ZNF138: variants seen among roughly 807,000 people sequenced by gnomAD.
ZNF138 encodes zinc finger protein 138, also known as zinc finger protein 138 (clone pHZ-32).
A neutral mutation model predicts 33.0 loss-of-function variants in ZNF138; 33 were observed. The ratio of observed to expected loss-of-function variants is 1.00; its 90% CI spans 0.76 to 1.34. ZNF138 has a LOEUF of 1.34. Among genes scored for constraint, ZNF138 ranks in the 40% most tolerant of loss-of-function variants. The pLI, the probability that ZNF138 is intolerant of heterozygous loss-of-function variation, is 0.00. For synonymous variants in ZNF138, 139 were observed against 120.4 expected (o/e 1.15, Z -1.01); for missense variants, 360 against 370.8 (o/e 0.97, Z 0.24).
At chr7:64,806,577 A>AAAACAAAC (rs113007738) in intron 1 of ZNF138, among the ~76,000 whole-genome samples, 50 of 151,876 alleles carry the variant, frequency 3.3e-4, no homozygotes, top group Non-Finnish European at 5.7e-4. Flanking sequence ...AGATTTGGGG[A>AAAACAAAC]AAACAAACAA....
intron 1 of ZNF138, among the ~76,000 whole-genome samples, chr7:64,813,471 T>TCG (rs1788349040): frequency 1.3e-5 from 2 of 151,212 alleles, no homozygotes; most frequent in Non-Finnish European, 2.9e-5. Flanking sequence ...TCTCGCGCTG[T>TCG]CGCCCAGGCT....
chr7:64,813,346 T>C (rs2128999689), intron 1 of ZNF138, among the ~76,000 whole-genome samples: 1 of 152,176 alleles, frequency 6.6e-6, no homozygotes, highest in East Asian at 1.9e-4. Context: ...AGATCCCTGC[T>C]CTTTGGGGTG....
rs1281280690 is a variant in ZNF138, at chr7:64,832,508, A to C, written c.*306A>C. 11 of 982,628 alleles carry C rather than the reference A, an allele frequency of 1.1e-5. No individual in the cohort carries two copies. The East Asian group carries it at 3.8e-4, about 34-fold the overall frequency. 60.9% of individuals were successfully genotyped at this position (982,628 alleles called of 1,614,324 possible). On this transcript the variant is annotated 3_prime_UTR_variant, in exon 4 of 4. Transcript: ENST00000307355. ...CTGGGGAGAAACCCCACAAATGTGGAGAATGCGGAAAAGCCTTTAACTGGT... is the reference window on the plus strand; with the variant it reads ...CTGGGGAGAAACCCCACAAATGTGGCGAATGCGGAAAAGCCTTTAACTGGT...
At chr7:64,845,025 C>T in the ZNF138 span, among the ~76,000 whole-genome samples, 1 of 152,130 alleles carries the variant, frequency 6.6e-6, no homozygotes, top group East Asian at 1.9e-4. Context: ...TTTTGGTGCA[C>T]CCATCACCTG....
chr7:64,809,750 C>T (rs1377023039), intron 1 of ZNF138, among the ~76,000 whole-genome samples: 73 of 144,024 alleles, frequency 5.1e-4, no homozygotes, highest in African/African-American at 1.7e-3. Context: ...ACGGGGCGGC[C>T]GGGCAGAGAT....
In ZNF138 at chr7:64,832,776, T is replaced by C. The variant is rs1583907639; in HGVS notation, c.*574T>C. On this transcript the variant is annotated 3_prime_UTR_variant, in exon 4 of 4. Transcript: ENST00000307355. ...CAAATGTGAGGAATGTGGCAAAGGT[T>C]TTAGCCAACTCTCAAACCTTACTAA... 2.2e-6 allele frequency: 1 copy of C among 450,836 alleles called. No homozygotes were observed. The highest frequency in any genetic ancestry group is 2.0e-5 in the African/African-American group (1 of 49,678). The allele number at this position is 450,836 out of a possible 1,614,324, so 27.9% of individuals were successfully genotyped here.
rs981748536 is a variant in ZNF138, at chr7:64,831,867, A to G, written c.625A>G (p.Asn209Asp). 1 of 1,613,918 alleles carries G rather than the reference A, an allele frequency of 6.2e-7. No individual in the cohort carries two copies. The highest frequency in any genetic ancestry group is 8.5e-7 in the Non-Finnish European group (1 of 1,179,926). Reference sequence around the variant, plus strand: ...TGGAAAAACCTTTAACTGGTCCACAAACCTTTCTAAACCTAAGAAAATTCA... The same window carrying G: ...TGGAAAAACCTTTAACTGGTCCACAGACCTTTCTAAACCTAAGAAAATTCA... ...ECGKTFNWST[N>D]LSKPKKIHTG... The change falls in exon 4 of 4, where the codon AAC (asparagine) becomes GAC (aspartate). Residue 209 changes from asparagine (N) to aspartate (D), a missense_variant. Coordinates refer to ENST00000307355, the MANE Select transcript of ZNF138 (RefSeq NM_001271639.2).
At chr7:64,839,576 G>A in the ZNF138 span, among the ~76,000 whole-genome samples, 9 of 151,948 alleles carry the variant, frequency 5.9e-5, no homozygotes, top group African/African-American at 1.7e-4. Flanking sequence ...CATGACTCTC[G>A]GCCAGGGAGG....
chr7:64,836,115 AT>A (rs1281630468), downstream of ZNF138: 1 of 152,174 alleles, frequency 6.6e-6, no homozygotes, highest in Non-Finnish European at 1.5e-5. Context: ...ACCAAGAGGC[AT>A]TTGGGGTAGA....
At chr7:64,799,460 C>T (rs151109415) in intron 1 of ZNF138, among the ~76,000 whole-genome samples, 15 of 152,146 alleles carry the variant, frequency 9.9e-5, no homozygotes, top group African/African-American at 3.6e-4. Flanking sequence ...TGCCACCCAG[C>T]TGATGTTGAT....
downstream of ZNF138, chr7:64,835,628 C>T (rs1452550667): frequency 6.6e-6 from 1 of 152,024 alleles, no homozygotes; most frequent in East Asian, 1.9e-4. Context: ...TAGCAGCATT[C>T]TTCCTGTAAG....
downstream of ZNF138, among the ~76,000 whole-genome samples, chr7:64,834,743 C>G (rs1790312694): frequency 6.6e-6 from 1 of 152,034 alleles, no homozygotes; most frequent in Non-Finnish European, 1.5e-5. Context: ...TGGAGAGGCT[C>G]TTTGTGTTTA....
At chr7:64,827,000 T>C (rs956380549) in intron 3 of ZNF138, among the ~76,000 whole-genome samples, 3 of 152,144 alleles carry the variant, frequency 2.0e-5, no homozygotes, top group African/African-American at 7.2e-5. Flanking sequence ...GCACCATCAT[T>C]ATTATAGTAA....
At chr7:64,823,172 G>A (rs908040968) in intron 3 of ZNF138, among the ~76,000 whole-genome samples, 11 of 152,068 alleles carry the variant, frequency 7.2e-5, no homozygotes, top group Admixed American at 6.5e-4. Flanking sequence ...GAGCCACTGC[G>A]CCTGGCTGAA....
chr7:64,802,051 T>G (rs115301330), intron 1 of ZNF138, among the ~76,000 whole-genome samples: 2,187 of 152,226 alleles, frequency 0.014, 54 homozygotes, highest in African/African-American at 0.05. Flanking sequence ...GGTGGTCGGG[T>G]TACAGCTTGG....
chr7:64,844,663 T>G, the ZNF138 span, among the ~76,000 whole-genome samples: 1 of 139,500 alleles, frequency 7.2e-6, no homozygotes, highest in African/African-American at 2.6e-5. Context: ...TGAGTAAGTT[T>G]TATGTGTTTT....
At chr7:64,823,926 A>T (rs1341775098) in intron 3 of ZNF138, among the ~76,000 whole-genome samples, 16 of 152,192 alleles carry the variant, frequency 1.1e-4, no homozygotes, top group Admixed American at 1.0e-3. Flanking sequence ...TGACAGATTG[A>T]GACTCCACCT....
the ZNF138 span, among the ~76,000 whole-genome samples, chr7:64,844,666 T>C: frequency 1.5e-5 from 2 of 137,170 alleles, no homozygotes; most frequent in African/African-American, 5.3e-5. Context: ...GTAAGTTTTA[T>C]GTGTTTTTTT....
chr7:64,794,432 C>G lies in ZNF138; in HGVS notation c.-137C>G, dbSNP rs889620911. Reference sequence around the variant, plus strand: ...CCGGGAGGCGGCGGGGTCTTTGTCTCGCTGCAGCGGGTGCTGCAGGTCTGG... The same window carrying G: ...CCGGGAGGCGGCGGGGTCTTTGTCTGGCTGCAGCGGGTGCTGCAGGTCTGG... On this transcript the variant is annotated 5_prime_UTR_variant, in exon 1 of 4. Coordinates refer to ENST00000307355, the MANE Select transcript of ZNF138 (RefSeq NM_001271639.2). 1.1e-5 allele frequency: 15 copies of G among 1,328,656 alleles called. No homozygotes were observed. Among genetic ancestry groups the G allele is most frequent in the South Asian group, 5.9e-5 (5 of 85,214 alleles). 82.3% of individuals were successfully genotyped at this position (1,328,656 alleles called of 1,614,324 possible).
Sources: allele counts gnomAD v4.1 joint callset (sites outside exome capture counted in the v4.1 genomes callset), GRCh38; gene constraint gnomAD v4.1.1; transcripts MANE v1.5; gene names NCBI Gene and HGNC (gene_info 2026-07-23, HGNC 2026-07-21).